BCL6: variants seen among roughly 807,000 people sequenced by gnomAD.
BCL6 encodes the protein BCL6 transcription repressor.
In BCL6, 7 loss-of-function variants were observed where a neutral mutation model predicts 59.5. The observed-to-expected ratio is 0.12, with a 90% CI of 0.07 to 0.22. The LOEUF is 0.22. Ranked by LOEUF, BCL6 falls within the 10% of genes least tolerant of loss-of-function variation. BCL6 has a pLI of 1.00. For synonymous variants in BCL6, 339 were observed against 349.7 expected (o/e 0.97, Z 0.34); for missense variants, 685 against 939.4 (o/e 0.73, Z 3.54).
intron 7 of BCL6, among the ~76,000 whole-genome samples, chr3:187,726,109 A>G (rs182059746): frequency 4.5e-4 from 68 of 152,324 alleles, no homozygotes; most frequent in African/African-American, 1.6e-3. Context: ...CCAGGGAGAC[A>G]CAATCAGGCT....
chr3:187,744,423 A>C (rs1711777648), intron 1 of BCL6, among the ~76,000 whole-genome samples: 1 of 152,134 alleles, frequency 6.6e-6, no homozygotes, highest in African/African-American at 2.4e-5. Flanking sequence ...ACAACCAAGA[A>C]AGAATAATTT....
chr3:187,729,171 G>A lies in BCL6; in HGVS notation c.1234C>T (p.Pro412Ser), dbSNP rs1239334107. Residue 412 changes from proline (P) to serine (S), a missense_variant, in exon 5 of 10, where the codon CCT becomes TCT. Physicochemically the swap from Pro to Ser is moderately conservative, Grantham distance 74 (BLOSUM62 -1). Coordinates refer to ENST00000406870, the MANE Select transcript of BCL6 (RefSeq NM_001706.5). This position sits in a 1 kb window ranked among gnomAD's most constrained non-coding sequence, Gnocchi z 5.6. ...GGCTCCATGGGTGGCTGGCAGGCAGGTGGGGCCGTGTAGGCTCGTGGGGAA... is the reference window on the plus strand; with the variant it reads ...GGCTCCATGGGTGGCTGGCAGGCAGATGGGGCCGTGTAGGCTCGTGGGGAA... ...RLSPRAYTAP[P>S]ACQPPMEPEN... is the part of the protein sequence containing the mutation. 6.2e-7 allele frequency: 1 copy of A among 1,611,486 alleles called. No individual in the cohort carries two copies. Among genetic ancestry groups the A allele is most frequent in the Non-Finnish European group, 8.5e-7 (1 of 1,178,016 alleles).
intron 1 of BCL6, among the ~76,000 whole-genome samples, chr3:187,745,066 C>T (rs1460734436): frequency 2.0e-5 from 3 of 152,042 alleles, no homozygotes; most frequent in South Asian, 2.1e-4. Flanking sequence ...ACCAAAACAA[C>T]ACAAGGGAGG....
intron 4 of BCL6, among the ~76,000 whole-genome samples, chr3:187,731,036 C>T (rs535992346): frequency 1.3e-5 from 2 of 152,288 alleles, no homozygotes; most frequent in Admixed American, 6.5e-5. Context: ...AGAAGTTAAG[C>T]TCTGAGTCTC....
intron 1 of BCL6, among the ~76,000 whole-genome samples, chr3:187,744,337 A>G (rs545644558): frequency 1.3e-5 from 2 of 151,592 alleles, no homozygotes; most frequent in East Asian, 2.0e-4. Flanking sequence ...CCACCCCAAG[A>G]AGCCCTGTCC....
At chr3:187,728,291 A>T in intron 6 of BCL6, 69 bp downstream of exon 6, 1 of 1,414,452 alleles carries the variant, frequency 7.1e-7, no homozygotes, top group Non-Finnish European at 9.5e-7. Context: ...AGTAAAATGG[A>T]GCACAAAACC....
chr3:187,722,204 G>T lies in BCL6; in HGVS notation c.*254C>A. On this transcript the variant is annotated 3_prime_UTR_variant, in exon 10 of 10. Transcript: ENST00000406870. ...ATATAAAATGATTTTGCTTTTTGCT[G>T]ACATGGTTCACCTTACACATAGGAG... 2.6e-6 allele frequency: 1 copy of T among 384,570 alleles called. No individual in the cohort carries two copies. The highest frequency in any genetic ancestry group is 4.5e-6 in the Non-Finnish European group (1 of 219,892). 23.8% of individuals were successfully genotyped at this position (384,570 alleles called of 1,614,324 possible). A position where few individuals can be genotyped will look rare whatever the true frequency, so the allele number is the denominator to read the frequency against.
chr3:187,734,367 G>A (rs1393757190), intron 2 of BCL6: 1 of 153,384 alleles, frequency 6.5e-6, no homozygotes, highest in Non-Finnish European at 1.5e-5. Context: ...AAGATTATCA[G>A]GCTAGACTTG....
chr3:187,737,783 C>A (rs1172097864), intron 1 of BCL6: 1 of 87,344 alleles, frequency 1.1e-5, no homozygotes, highest in Non-Finnish European at 2.2e-5. Context: ...TTTCCTGTTA[C>A]GCCGTCAATG....
At chr3:187,738,750 T>C (rs1719406743) in intron 1 of BCL6, among the ~76,000 whole-genome samples, 1 of 152,172 alleles carries the variant, frequency 6.6e-6, no homozygotes, top group Admixed American at 6.5e-5. Flanking sequence ...CGCTCATCCC[T>C]TCTGCGGCAA....
At chr3:187,745,211 A>T (rs552709522) in intron 1 of BCL6, among the ~76,000 whole-genome samples, 199 bp downstream of exon 1, 2 of 152,344 alleles carry the variant, frequency 1.3e-5, no homozygotes, top group South Asian at 2.1e-4. Flanking sequence ...CCTGACAGCT[A>T]GAATAAATAA....
Position 187,722,331 on chromosome 3 carries a change from C to CCCCCCCCCAAA in BCL6, c.*126_*127insTTTGGGGGGGG. The CCCCCCCCCAAA allele has an allele frequency of 2.3e-6, 2 of 864,902 alleles. No individual in the cohort carries two copies. Among genetic ancestry groups the CCCCCCCCCAAA allele is most frequent in the Non-Finnish European group, 1.5e-6 (1 of 658,090 alleles). 53.6% of individuals were successfully genotyped at this position (864,902 alleles called of 1,614,324 possible). On this transcript the variant is annotated 3_prime_UTR_variant, in exon 10 of 10. Transcript: ENST00000406870. ...CCCGACCCCCACCACCCCCAACCCC[C>CCCCCCCCCAAA]AGCTATGATTTGCACTAGTGGATGA... is the stretch of plus-strand genomic sequence containing the variant.
At chr3:187,744,362 C>G (rs1576884781) in intron 1 of BCL6, among the ~76,000 whole-genome samples, 1 of 147,326 alleles carries the variant, frequency 6.8e-6, no homozygotes, top group African/African-American at 2.5e-5. Context: ...ATCAGTCTCT[C>G]TCCTCGGGAT....
intron 5 of BCL6, 28 bp from the exon 6 acceptor site, chr3:187,728,572 G>T: frequency 6.3e-7 from 1 of 1,581,776 alleles, no homozygotes. Flanking sequence ...AACAGCCTCA[G>T]CACCTGGGGC....
At chr3:187,742,642 G>T (rs73886547) in intron 1 of BCL6, among the ~76,000 whole-genome samples, 9,734 of 151,632 alleles carry the variant, frequency 0.064, 486 homozygotes, top group African/African-American at 0.14. Flanking sequence ...CTATTTATAA[G>T]CTTGGGGTGG....
chr3:187,731,957 T>C, intron 3 of BCL6, 27 bp from the exon 4 acceptor site: 4 of 1,575,310 alleles, frequency 2.5e-6, no homozygotes, highest in Non-Finnish European at 3.5e-6. Context: ...TGTCCCACTA[T>C]AGTAGACATA....
chr3:187,730,729 C>T (rs561956820), intron 4 of BCL6, among the ~76,000 whole-genome samples: 3 of 152,326 alleles, frequency 2.0e-5, no homozygotes, highest in Non-Finnish European at 2.9e-5. Flanking sequence ...CAATGATGAT[C>T]TTGCCACCGT....
intron 1 of BCL6, among the ~76,000 whole-genome samples, chr3:187,744,594 A>T: frequency 2.0e-5 from 3 of 151,742 alleles, no homozygotes; most frequent in East Asian, 1.9e-4. Context: ...AAAAACAAAA[A>T]CCCAAAGAGT....
rs1382132300 is a variant in BCL6 at position 187,721,731 on chromosome 3, A to G, written c.*727T>C. On this transcript the variant is annotated 3_prime_UTR_variant, in exon 10 of 10. Transcript: ENST00000406870. The surrounding 1 kb of genome is among the most constrained non-coding windows in gnomAD (Gnocchi z 4.2). ...TTGTTCTTTTTGTTTTTTTTAATAC[A>G]CACTTTGTAAATTGTAAACCTTCAC... The G allele has an allele frequency of 4.3e-6, 1 of 231,768 alleles. No individual in the cohort carries two copies. Among genetic ancestry groups the G allele is most frequent in the East Asian group, 6.1e-5 (1 of 16,294 alleles). 14.4% of individuals were successfully genotyped at this position (231,768 alleles called of 1,614,324 possible). A position where few individuals can be genotyped will look rare whatever the true frequency, so the allele number is the denominator to read the frequency against.
Sources: allele counts gnomAD v4.1 joint callset (sites outside exome capture counted in the v4.1 genomes callset), GRCh38; gene constraint gnomAD v4.1.1; non-coding constraint Gnocchi (gnomAD v3.1); transcripts MANE v1.5; gene names NCBI Gene and HGNC (gene_info 2026-07-23, HGNC 2026-07-21).